PTPRD: variants seen among roughly 807,000 people sequenced by gnomAD.
The protein encoded by PTPRD is protein tyrosine phosphatase receptor type D, also known as receptor-type tyrosine-protein phosphatase delta.
Under a neutral mutation model 214.5 loss-of-function variants are expected in PTPRD, and 34 were observed. That is an observed-to-expected ratio of 0.16 (90% CI 0.12 to 0.21). The LOEUF (loss-of-function observed/expected upper bound fraction) is 0.21. Among genes scored for constraint, PTPRD ranks in the 10% least tolerant of loss-of-function variants. The pLI, the probability that PTPRD is intolerant of heterozygous loss-of-function variation, is 1.00. For synonymous variants in PTPRD, 1,128 were observed against 845.7 expected (o/e 1.33, Z -5.79); for missense variants, 2,545 against 2,398.7 (o/e 1.06, Z -1.27).
At chr9:8,712,014 G>A (rs1329309852) in intron 12 of PTPRD, among the ~76,000 whole-genome samples, 1 of 152,194 alleles carries the variant, frequency 6.6e-6, no homozygotes, top group African/African-American at 2.4e-5. Flanking sequence ...ACATGTAATT[G>A]TAGTAATGAA....
At chr9:9,251,975 G>A (rs1395305385) in intron 9 of PTPRD, among the ~76,000 whole-genome samples, 1 of 151,986 alleles carries the variant, frequency 6.6e-6, no homozygotes, top group African/African-American at 2.4e-5. Context: ...CTTCCCTATT[G>A]TCTTTACAAC....
At chr9:9,436,911 G>T (rs1184236817) in intron 8 of PTPRD, among the ~76,000 whole-genome samples, 1 of 150,434 alleles carries the variant, frequency 6.6e-6, no homozygotes, top group African/African-American at 2.4e-5. Context: ...GCCTGTCTAC[G>T]ATACCTGAAC....
At chr9:8,702,060 G>A (rs2098098553) in intron 12 of PTPRD, among the ~76,000 whole-genome samples, 2 of 151,982 alleles carry the variant, frequency 1.3e-5, no homozygotes. Flanking sequence ...TTAACGTGAG[G>A]ACTCTCAATT....
intron 4 of PTPRD, among the ~76,000 whole-genome samples, chr9:9,941,421 C>A (rs552742575): frequency 1.3e-5 from 2 of 152,276 alleles, no homozygotes; most frequent in African/African-American, 4.8e-5. Context: ...CTCTTGGGTT[C>A]AAGTGATTCT....
intron 14 of PTPRD, among the ~76,000 whole-genome samples, chr9:8,599,538 A>G (rs797007658): frequency 5.9e-5 from 9 of 151,966 alleles, no homozygotes; most frequent in African/African-American, 2.2e-4. Flanking sequence ...AAAACACAAA[A>G]TTCACAGAAA....
intron 2 of PTPRD, among the ~76,000 whole-genome samples, chr9:10,566,721 T>C (rs1309662590): frequency 1.3e-5 from 2 of 151,966 alleles, no homozygotes; most frequent in African/African-American, 4.8e-5. Context: ...CCTTCATGGT[T>C]TGCGTTTTTT....
intron 7 of PTPRD, among the ~76,000 whole-genome samples, chr9:9,631,234 G>C (rs930040776): frequency 1.7e-5 from 2 of 118,698 alleles, no homozygotes; most frequent in Admixed American, 1.7e-4. Flanking sequence ...AAAAGAAAAA[G>C]AAAAAAAAAA....
At chr9:9,236,835 G>A (rs1330577822) in intron 9 of PTPRD, among the ~76,000 whole-genome samples, 1 of 151,982 alleles carries the variant, frequency 6.6e-6, no homozygotes, top group Non-Finnish European at 1.5e-5. Context: ...GCCCCACTGT[G>A]GCTAAGCAAA....
At chr9:9,247,870 C>A (rs1299110444) in intron 9 of PTPRD, among the ~76,000 whole-genome samples, 1 of 152,070 alleles carries the variant, frequency 6.6e-6, no homozygotes, top group Non-Finnish European at 1.5e-5. Flanking sequence ...AGCATGATCA[C>A]CATACATTTC....
intron 9 of PTPRD, among the ~76,000 whole-genome samples, chr9:9,324,216 G>A (rs1174041572): frequency 6.6e-6 from 1 of 152,124 alleles, no homozygotes; most frequent in African/African-American, 2.4e-5. Flanking sequence ...GTAATGGGAT[G>A]GCTGGGTCAA....
chr9:8,323,587 G>A (rs148026581), intron 44 of PTPRD, among the ~76,000 whole-genome samples: 34 of 149,580 alleles, frequency 2.3e-4, no homozygotes, highest in African/African-American at 7.8e-4. Flanking sequence ...AGTAGAGGAA[G>A]AAATTGCAAA....
At chr9:9,940,297 C>G (rs535741710) in intron 4 of PTPRD, among the ~76,000 whole-genome samples, 2 of 152,126 alleles carry the variant, frequency 1.3e-5, no homozygotes, top group African/African-American at 4.8e-5. Flanking sequence ...CTCATCTTCT[C>G]CCTTACCTCT....
intron 11 of PTPRD, among the ~76,000 whole-genome samples, chr9:8,803,993 C>T (rs1268571843): frequency 6.6e-6 from 1 of 152,040 alleles, no homozygotes; most frequent in South Asian, 2.1e-4. Flanking sequence ...CGCTCTGTTG[C>T]CCAGGCTGGA....
chr9:10,164,475 G>GA (rs752100787), intron 3 of PTPRD, among the ~76,000 whole-genome samples: 30 of 148,304 alleles, frequency 2.0e-4, no homozygotes, highest in Admixed American at 2.7e-4. Flanking sequence ...GATGTTACCT[G>GA]AAAAAAAAAA....
rs183589934 is a variant in PTPRD, at chr9:9,502,327, T to C, written c.-237+72405A>G. ...CATTATACGCTCTGCTGCTGTGATG[T>C]TGATTGTTTTAGATTCTTCATATAA... is the stretch of plus-strand genomic sequence containing the variant. On this transcript the variant is annotated intron_variant, in intron 8 of 45. Coordinates refer to ENST00000381196, the MANE Select transcript of PTPRD (RefSeq NM_002839.4). Among the ~76,000 whole-genome samples the C allele has an allele frequency of 6.6e-5, 10 of 151,978 alleles. No homozygotes were observed. In the East Asian group the frequency reaches 1.9e-3, roughly 30 times the overall value.
At chr9:9,764,870 T>G (rs1385349620) in intron 6 of PTPRD, among the ~76,000 whole-genome samples, 1 of 152,170 alleles carries the variant, frequency 6.6e-6, no homozygotes, top group Non-Finnish European at 1.5e-5. Flanking sequence ...TTTCAGTTCA[T>G]TACCAGAAAT....
chr9:10,007,412 TA>T (rs2096503034), intron 4 of PTPRD, among the ~76,000 whole-genome samples: 1 of 152,130 alleles, frequency 6.6e-6, no homozygotes, highest in African/African-American at 2.4e-5. Context: ...CAAGGAAGAA[TA>T]AATAATTTTC....
In PTPRD at chr9:10,307,264, A is replaced by G. The variant is rs572365715; in HGVS notation, c.-545+33699T>C. On this transcript the variant is annotated intron_variant, in intron 3 of 45. Transcript: ENST00000381196. Reference sequence around the variant, plus strand: ...CACAAATCCTTCCCGGGATGTAACTATCATGCTACCTCCATGAAATAAACA... The same window carrying G: ...CACAAATCCTTCCCGGGATGTAACTGTCATGCTACCTCCATGAAATAAACA... Among the ~76,000 whole-genome samples the G allele has an allele frequency of 2.0e-4, 30 of 152,184 alleles. No individual in the cohort carries two copies. In the East Asian group the frequency reaches 5.4e-3, roughly 27 times the overall value.
chr9:9,826,155 G>A (rs373040361), intron 5 of PTPRD, among the ~76,000 whole-genome samples: 65 of 151,442 alleles, frequency 4.3e-4, no homozygotes, highest in Admixed American at 1.7e-3. Context: ...TAGTTTTTAC[G>A]TCTTTCTACA....
Sources: allele counts gnomAD v4.1 joint callset (sites outside exome capture counted in the v4.1 genomes callset), GRCh38; gene constraint gnomAD v4.1.1; transcripts MANE v1.5; gene names NCBI Gene and HGNC (gene_info 2026-07-23, HGNC 2026-07-21).